FBXL18: variants seen among roughly 807,000 people sequenced by gnomAD.
FBXL18 encodes the protein F-box/LRR-repeat protein 18.
FBXL18 carries 36 observed loss-of-function variants against 46.0 expected under a neutral mutation model. That is an observed-to-expected ratio of 0.78 (90% CI 0.60 to 1.03). The LOEUF is 1.03. Ranked by LOEUF, FBXL18 falls within the 50% of genes least tolerant of loss-of-function variation. The pLI is 0.00. For missense variants in FBXL18, 977 were observed against 1,004.1 expected, an observed-to-expected ratio of 0.97 and a Z score of 0.36; for synonymous variants, 557 against 465.3, an observed-to-expected ratio of 1.20 and a Z score of -2.54.
downstream of FBXL18, among the ~76,000 whole-genome samples, chr7:5,472,639 C>G (rs981507754): frequency 6.6e-6 from 1 of 152,096 alleles, no homozygotes. Flanking sequence ...GTTCTGGCCA[C>G]AGGCCCCACT....
At chr7:5,486,405 G>A (rs989244941) in intron 4 of FBXL18, among the ~76,000 whole-genome samples, 1 of 151,084 alleles carries the variant, frequency 6.6e-6, no homozygotes, top group Non-Finnish European at 1.5e-5. Context: ...GGAAACGAGC[G>A]AAACTCTGTT....
chr7:5,481,359 G>A lies in FBXL18; in HGVS notation c.*416C>T, dbSNP rs61447150. 0.022 allele frequency: 3,713 copies of A among 168,152 alleles called. 165 individuals are homozygous for A. Among genetic ancestry groups the A allele is most frequent in the African/African-American group, 0.087 (3,463 of 39,938 alleles). The allele number at this position is 168,152 out of a possible 1,614,324, so 10.4% of individuals were successfully genotyped here. On this transcript the variant is annotated 3_prime_UTR_variant, in exon 5 of 5. Transcript: ENST00000382368. The stretch of plus-strand genomic sequence containing the variant: ...GGACAGCATGTGGCCGCCCATCCAC[G>A]GGGCCCCGGTGGCAGGTGACCACAA...
rs184402069 is a variant in FBXL18, at chr7:5,461,855, C to T, written c.2001-14012G>A. 9.9e-5 allele frequency among the ~76,000 whole-genome samples: 15 copies of T among 152,068 alleles called. No individual in the cohort carries two copies. In the East Asian group the frequency reaches 2.1e-3, roughly 22 times the overall value. On this transcript the variant is annotated intron_variant and NMD_transcript_variant, in intron 4 of 6. Transcript: ENST00000415009. Reference sequence around the variant, plus strand: ...ACTCGAGAGGCTGAGGCAGGAGAATCACTTGAGCTTGGGAGGCAGAGGTTG... The same window carrying T: ...ACTCGAGAGGCTGAGGCAGGAGAATTACTTGAGCTTGGGAGGCAGAGGTTG...
At chr7:5,495,838 G>C in intron 3 of FBXL18, 1 of 480,574 alleles carries the variant, frequency 2.1e-6, no homozygotes, top group East Asian at 6.6e-5. Context: ...GCAGCGTCTG[G>C]GAACCGGCAT....
At chr7:5,506,080 G>A (rs915193507) in intron 1 of FBXL18, among the ~76,000 whole-genome samples, 1 of 151,978 alleles carries the variant, frequency 6.6e-6, no homozygotes, top group East Asian at 1.9e-4. Flanking sequence ...TGCTCAGGCT[G>A]ATTTCAAACT....
rs1464960890 is a variant in FBXL18, at chr7:5,500,854, G to C, written c.1415C>G (p.Ser472Cys). Residue 472 changes from serine to cysteine, a missense_variant, in exon 3 of 5, where the codon TCC (serine) becomes TGC (cysteine). Ser to Cys is a moderately radical substitution (Grantham distance 112, BLOSUM62 -1). Transcript: ENST00000382368. ...PFSGQACPQP[S>C]SVFWSLLKNL... Reference sequence around the variant, plus strand: ...CTTCAGCAGAGACCAGAACACGGAGGAGGGCTGGGGGCACGCCTGGCCCGA... The same window carrying C: ...CTTCAGCAGAGACCAGAACACGGAGCAGGGCTGGGGGCACGCCTGGCCCGA... The C allele has an allele frequency of 1.4e-5, 23 of 1,607,712 alleles. No individual in the cohort carries two copies. Among genetic ancestry groups the C allele is most frequent in the Non-Finnish European group, 2.0e-5 (23 of 1,176,468 alleles).
chr7:5,499,782 G>A (rs1051716524), intron 3 of FBXL18, among the ~76,000 whole-genome samples: 28 of 151,284 alleles, frequency 1.9e-4, no homozygotes, highest in African/African-American at 6.3e-4. Context: ...GGCCAAGGGT[G>A]GTGGCTCACA....
intron 4 of FBXL18, among the ~76,000 whole-genome samples, chr7:5,488,077 G>GCTGT (rs1021921216): frequency 3.3e-5 from 5 of 152,268 alleles, no homozygotes; most frequent in Admixed American, 3.3e-4. Context: ...ACACCAAAGA[G>GCTGT]CTGTGGAGCA....
intron 4 of FBXL18, chr7:5,489,882 T>C (rs149457829): frequency 0.025 from 18,285 of 744,006 alleles, 288 homozygotes; most frequent in Middle Eastern, 0.029. Context: ...AAAGCAGAGG[T>C]TGCAGTGAGC....
At chr7:5,475,432 T>G (rs1783493431), downstream of FBXL18, among the ~76,000 whole-genome samples, 1 of 152,238 alleles carries the variant, frequency 6.6e-6, no homozygotes, top group African/African-American at 2.4e-5. The surrounding 1 kb of genome is among the most constrained non-coding windows in gnomAD (Gnocchi z 4.2). Context: ...CCACTTTTGC[T>G]GTCTGAGCTG....
rs187606079 is a variant in FBXL18 at position 5,483,162 on chromosome 7, C to T, written c.2001-1231G>A. On this transcript the variant is annotated intron_variant, in intron 4 of 4. Transcript: ENST00000382368. ...GAGAGGAAGACAAAAACATCCAGGA[C>T]GGGCGCAGTGACTCACACCTATAAC... is the stretch of plus-strand genomic sequence containing the variant. 1.1e-4 allele frequency among the ~76,000 whole-genome samples: 16 copies of T among 152,136 alleles called. 1 individual carries two copies. The East Asian group carries it at 2.1e-3, about 20-fold the overall frequency.
chr7:5,482,000 G>A, intron 4 of FBXL18, 69 bp from the exon 5 acceptor site: 1 of 1,519,080 alleles, frequency 6.6e-7, no homozygotes, highest in Non-Finnish European at 8.8e-7. Context: ...TGCTGGGGAA[G>A]CCCAGGAGGC....
chr7:5,463,697 T>C (rs1444502229), intron 4 of FBXL18, among the ~76,000 whole-genome samples: 1 of 61,102 alleles, frequency 1.6e-5, no homozygotes, highest in Non-Finnish European at 3.0e-5. Context: ...CCCTGAACTA[T>C]ATATATATTT....
chr7:5,470,255 A>T (rs1783406561), intron 4 of FBXL18, among the ~76,000 whole-genome samples: 1 of 152,184 alleles, frequency 6.6e-6, no homozygotes, highest in African/African-American at 2.4e-5. Context: ...CCAGAGGGAC[A>T]GCAGGGGTCT....
intron 3 of FBXL18, among the ~76,000 whole-genome samples, chr7:5,492,373 G>A (rs189266759): frequency 1.3e-5 from 2 of 151,820 alleles, no homozygotes; most frequent in East Asian, 3.9e-4. Context: ...GTGGCAGGTT[G>A]TGGGGTGCAG....
intron 2 of FBXL18, among the ~76,000 whole-genome samples, chr7:5,502,445 G>A (rs764766750): frequency 1.3e-5 from 2 of 152,138 alleles, no homozygotes; most frequent in Non-Finnish European, 2.9e-5. Context: ...GAAGGCAGAA[G>A]AATCGCTTGA....
chr7:5,461,457 C>G (rs2128230906), intron 4 of FBXL18, among the ~76,000 whole-genome samples: 1 of 152,278 alleles, frequency 6.6e-6, no homozygotes, highest in South Asian at 2.1e-4. Context: ...TACTTTTGCA[C>G]CAACCTAATT....
chr7:5,499,131 GACC>G (rs1784162473), intron 3 of FBXL18, among the ~76,000 whole-genome samples: 1 of 152,062 alleles, frequency 6.6e-6, no homozygotes, highest in Non-Finnish European at 1.5e-5. Context: ...TAGTCCCAAG[GACC>G]ATCACCTCCC....
chr7:5,485,794 C>T (rs1349048732), intron 4 of FBXL18, among the ~76,000 whole-genome samples: 2 of 151,926 alleles, frequency 1.3e-5, no homozygotes, highest in Admixed American at 6.6e-5. Flanking sequence ...GCTCAAGCCT[C>T]TAATCCCAGA....
Sources: gnomAD v4.1 joint callset for allele counts (sites outside exome capture counted in the v4.1 genomes callset) on GRCh38, gnomAD v4.1.1 for gene constraint, Gnocchi (gnomAD v3.1) non-coding constraint, MANE v1.5 for transcripts, NCBI Gene and HGNC (gene_info 2026-07-23, HGNC 2026-07-21) for gene names.